The following HOOK3 variants were observed in gnomAD, a reference collection of about 807,000 sequenced individuals.
HOOK3 encodes hook microtubule tethering protein 3.
HOOK3 carries 24 observed loss-of-function variants against 116.3 expected under a neutral mutation model. That is an observed-to-expected ratio of 0.21 (90% confidence interval 0.15 to 0.29). The LOEUF is 0.29. HOOK3 is among the 10% of genes least tolerant of loss of function. HOOK3 has a pLI of 1.00. For synonymous variants in HOOK3, 275 were observed against 283.0 expected (o/e 0.97, Z 0.28); for missense variants, 632 against 830.2 (o/e 0.76, Z 2.93).
Position 43,027,455 on chromosome 8 carries a change from A to G in HOOK3, c.*8957A>G, listed in dbSNP as rs1220773747. 8.4e-6 allele frequency: 4 copies of G among 478,094 alleles called. No individual in the cohort carries two copies. The highest frequency in any genetic ancestry group is 1.6e-5 in the Non-Finnish European group (4 of 243,962). 29.6% of individuals were successfully genotyped at this position (478,094 alleles called of 1,614,324 possible). A position where few individuals can be genotyped will look rare whatever the true frequency, so the allele number is the denominator to read the frequency against. On this transcript the variant is annotated 3_prime_UTR_variant, in exon 22 of 22. Transcript: ENST00000307602. ...TGAGAGACATGCTTTTAAAGTACAA[A>G]ACGTTTCTCTTCTACCTTACCCCCT...
intron 1 of HOOK3, among the ~76,000 whole-genome samples, 154 bp from the exon 2 acceptor site, chr8:42,906,019 G>A (rs955650563): frequency 3.3e-5 from 5 of 151,230 alleles, no homozygotes; most frequent in African/African-American, 1.2e-4. Context: ...CCTGGGAGGT[G>A]GAGGTTGCAG....
intron 15 of HOOK3, among the ~76,000 whole-genome samples, chr8:42,987,605 T>C (rs895394780): frequency 6.6e-6 from 1 of 152,186 alleles, no homozygotes. Context: ...TGATTCATCT[T>C]AGGAACAACT....
intron 1 of HOOK3, among the ~76,000 whole-genome samples, chr8:42,899,290 A>G (rs1807134685): frequency 6.6e-6 from 1 of 152,216 alleles, no homozygotes; most frequent in African/African-American, 2.4e-5. Context: ...AGCTGTAGAG[A>G]GGTCAGGGAG....
chr8:43,015,013 G>T (rs147493200), intron 21 of HOOK3, among the ~76,000 whole-genome samples: 35 of 151,666 alleles, frequency 2.3e-4, no homozygotes, highest in African/African-American at 8.5e-4. Context: ...CAGGCATGGT[G>T]GCACATGCCT....
intron 2 of HOOK3, among the ~76,000 whole-genome samples, chr8:42,906,753 C>T (rs898841870): frequency 6.6e-6 from 1 of 152,212 alleles, no homozygotes; most frequent in Non-Finnish European, 1.5e-5. Flanking sequence ...TCTGCCCCAA[C>T]ATCCCCAAAC....
intron 6 of HOOK3, among the ~76,000 whole-genome samples, chr8:42,951,382 C>T (rs1388959422): frequency 6.6e-6 from 1 of 152,142 alleles, no homozygotes; most frequent in Non-Finnish European, 1.5e-5. Flanking sequence ...TATCTTAAAC[C>T]AGCAGTCTTC....
At chr8:42,976,812 G>T (rs1371546918) in intron 13 of HOOK3, among the ~76,000 whole-genome samples, 1 of 151,894 alleles carries the variant, frequency 6.6e-6, no homozygotes, top group Non-Finnish European at 1.5e-5. Context: ...CATGAGAATG[G>T]CGTGAACCCG....
chr8:42,996,398 AAAAAAGAAAAAG>A (rs1402249458), intron 15 of HOOK3, among the ~76,000 whole-genome samples: 2 of 151,566 alleles, frequency 1.3e-5, no homozygotes, highest in African/African-American at 2.4e-5. Context: ...AAAAAAAAAA[AAAAAAGAAAAAG>A]AAAAAGAAAA....
chr8:42,910,185 AAT>A (rs1456603146), intron 2 of HOOK3, among the ~76,000 whole-genome samples: 1 of 152,224 alleles, frequency 6.6e-6, no homozygotes, highest in East Asian at 1.9e-4. Flanking sequence ...TGTACCCATA[AAT>A]ATAGTTTGTC....
At position 43,007,836 on chromosome 8, in the gene HOOK3, G is replaced by A; in HGVS notation, c.1656-11G>A. 6.4e-7 allele frequency: 1 copy of A among 1,566,658 alleles called. No individual in the cohort carries two copies. The highest frequency in any genetic ancestry group is 8.7e-7 in the Non-Finnish European group (1 of 1,146,082). On this transcript the variant is annotated splice_polypyrimidine_tract_variant and intron_variant, in intron 17 of 21. Transcript: ENST00000307602. Reference sequence around the variant, plus strand: ...AAGCAGTAGTAGGTGATGTTTACCTGTTTGTTACAGAGAGAAGCTGCATGA... The same window carrying A: ...AAGCAGTAGTAGGTGATGTTTACCTATTTGTTACAGAGAGAAGCTGCATGA...
chr8:42,919,975 G>T lies in HOOK3; in HGVS notation c.144-5582G>T, dbSNP rs549639069. 2.6e-5 allele frequency among the ~76,000 whole-genome samples: 4 copies of T among 151,726 alleles called. No homozygotes were observed. In the South Asian group the frequency reaches 8.3e-4, roughly 32 times the overall value. ...AGGGTTTTTTTTTTTTTCTGTGAAG[G>T]CATTTGACATAAGACAATATACTTC... is the stretch of plus-strand genomic sequence containing the variant. On this transcript the variant is annotated intron_variant, in intron 2 of 21. Coordinates refer to ENST00000307602, the MANE Select transcript of HOOK3 (RefSeq NM_032410.4).
chr8:42,910,281 A>G (rs948255000), intron 2 of HOOK3, among the ~76,000 whole-genome samples: 68 of 152,148 alleles, frequency 4.5e-4, no homozygotes, highest in African/African-American at 1.5e-3. Context: ...TGGTCTTTTC[A>G]TTTACCAAAG....
chr8:42,942,204 ATCATGCCATTGCAC>A (rs1197145308), intron 4 of HOOK3, among the ~76,000 whole-genome samples: 1 of 152,170 alleles, frequency 6.6e-6, no homozygotes, highest in Non-Finnish European at 1.5e-5. Context: ...GTGAGCCGAG[ATCATGCCATTGCAC>A]TCCAGCCTGG....
chr8:42,956,383 A>G (rs1330051436), intron 6 of HOOK3, among the ~76,000 whole-genome samples: 1 of 152,024 alleles, frequency 6.6e-6, no homozygotes, highest in Non-Finnish European at 1.5e-5. Context: ...GTATGTAGCC[A>G]CATTTTAATT....
intron 14 of HOOK3, among the ~76,000 whole-genome samples, chr8:42,984,322 C>T (rs938806082): frequency 1.3e-5 from 2 of 150,080 alleles, no homozygotes; most frequent in African/African-American, 2.5e-5. Context: ...GAGCCGAGAT[C>T]GCGCCATTGC....
intron 13 of HOOK3, 26 bp downstream of exon 13, chr8:42,974,220 C>G: frequency 6.6e-7 from 1 of 1,519,014 alleles, no homozygotes; most frequent in Non-Finnish European, 9.1e-7. Flanking sequence ...GAGTACAAAC[C>G]AGATGATTTC....
intron 6 of HOOK3, among the ~76,000 whole-genome samples, chr8:42,952,488 A>G (rs915466544): frequency 2.0e-5 from 3 of 152,184 alleles, no homozygotes; most frequent in Non-Finnish European, 4.4e-5. Context: ...ATCAGTGACC[A>G]TGATGTCCAA....
Position 42,949,685 on chromosome 8 carries a change from C to T in HOOK3, c.401-703C>T, listed in dbSNP as rs573167454. Among the ~76,000 whole-genome samples, 60 of 152,102 alleles carry T rather than the reference C, an allele frequency of 3.9e-4. 1 individual carries two copies. In the South Asian group the frequency reaches 0.011, roughly 27 times the overall value. On this transcript the variant is annotated intron_variant, in intron 5 of 21. Coordinates refer to ENST00000307602, the MANE Select transcript of HOOK3 (RefSeq NM_032410.4). ...CTGTAATCCCAGCACTTTGGGAGGC[C>T]GAGGCAGGCGGATCACGAGGTCAAG...
intron 2 of HOOK3, among the ~76,000 whole-genome samples, chr8:42,921,520 G>C (rs2130350875): frequency 6.6e-6 from 1 of 152,270 alleles, no homozygotes; most frequent in Middle Eastern, 3.4e-3. Context: ...TTTAAGCAAA[G>C]AGAACACTTT....
Sources: allele counts gnomAD v4.1 joint callset (sites outside exome capture counted in the v4.1 genomes callset), GRCh38; gene constraint gnomAD v4.1.1; transcripts MANE v1.5; gene names NCBI Gene and HGNC (gene_info 2026-07-23, HGNC 2026-07-21).